The following KLF12 variants were observed in gnomAD, a reference collection of about 807,000 sequenced individuals.
The protein encoded by KLF12 is KLF transcription factor 12.
Under a neutral mutation model 37.8 loss-of-function variants are expected in KLF12, and 9 were observed. The observed-to-expected ratio is 0.24, with a 90% confidence interval of 0.14 to 0.42. The LOEUF (loss-of-function observed/expected upper bound fraction) is 0.42, where lower values mean the gene tolerates loss of function less well. KLF12 is among the 10% of genes least tolerant of loss of function. The pLI is 1.00. For missense variants in KLF12, 411 were observed against 516.0 expected, an observed-to-expected ratio of 0.80 and a Z score of 1.97; for synonymous variants, 208 against 202.1, an observed-to-expected ratio of 1.03 and a Z score of -0.25.
Position 73,902,537 on chromosome 13 carries a change from C to T in KLF12, c.123+41444G>A, listed in dbSNP as rs150590545. Among the ~76,000 whole-genome samples the T allele has an allele frequency of 2.2e-3, 340 of 152,266 alleles. 1 individual carries two copies. Among genetic ancestry groups the T allele is most frequent in the African/African-American group, 7.3e-3 (302 of 41,546 alleles). The stretch of plus-strand genomic sequence containing the variant: ...GGGCTGCCAGGAAGTGAAAATGATT[C>T]TAATTCAATAGCTCTTTCCAGAACT... On this transcript the variant is annotated intron_variant, in intron 3 of 7. Coordinates refer to ENST00000377669, the MANE Select transcript of KLF12 (RefSeq NM_007249.5).
intron 7 of KLF12, among the ~76,000 whole-genome samples, chr13:73,709,860 T>C (rs954772465): frequency 6.6e-6 from 1 of 152,150 alleles, no homozygotes; most frequent in African/African-American, 2.4e-5. Context: ...TCTCGGATCA[T>C]GTCTTAGGGT....
chr13:73,939,046 A>G (rs191606058), intron 3 of KLF12, among the ~76,000 whole-genome samples: 1 of 152,282 alleles, frequency 6.6e-6, no homozygotes, highest in Non-Finnish European at 1.5e-5. Context: ...TTTCTGCCGC[A>G]CTATTGCCGC....
At chr13:74,194,205 G>C in the KLF12 span, among the ~76,000 whole-genome samples, 41 of 152,104 alleles carry the variant, frequency 2.7e-4, no homozygotes, top group Admixed American at 2.7e-3. Flanking sequence ...CTGGGGTGGT[G>C]GTGGTGAAAA....
chr13:73,906,307 G>A (rs1888291847), intron 3 of KLF12, among the ~76,000 whole-genome samples: 1 of 151,974 alleles, frequency 6.6e-6, no homozygotes, highest in African/African-American at 2.4e-5. Flanking sequence ...TTCAAATATT[G>A]ACTCTCCTTT....
At chr13:73,916,020 T>A (rs1010245861) in intron 3 of KLF12, among the ~76,000 whole-genome samples, 8 of 152,144 alleles carry the variant, frequency 5.3e-5, no homozygotes, top group Admixed American at 6.6e-5. Flanking sequence ...AGTTTAAAAT[T>A]TGTAGTGTTC....
intron 3 of KLF12, among the ~76,000 whole-genome samples, chr13:73,925,891 G>A (rs1889352349): frequency 6.6e-6 from 1 of 152,126 alleles, no homozygotes; most frequent in Non-Finnish European, 1.5e-5. Flanking sequence ...CAGATGTGGT[G>A]GAAATAGCAA....
chr13:73,947,373 G>A (rs9600192), intron 2 of KLF12, among the ~76,000 whole-genome samples: 7,778 of 152,194 alleles, frequency 0.051, 241 homozygotes, highest in African/African-American at 0.09. Context: ...GGCAATGGCC[G>A]GGCGTGGTGG....
chr13:74,213,226 G>A, the KLF12 span, among the ~76,000 whole-genome samples: 1 of 151,438 alleles, frequency 6.6e-6, no homozygotes, highest in Non-Finnish European at 1.5e-5. Context: ...ACAATATACT[G>A]TGGTCATTGT....
intron 3 of KLF12, among the ~76,000 whole-genome samples, chr13:73,895,946 T>G (rs1011251188): frequency 2.6e-5 from 4 of 151,854 alleles, no homozygotes; most frequent in Admixed American, 6.6e-5. Flanking sequence ...TCAGCCTCCC[T>G]TGTAGCTGGG....
intron 6 of KLF12, among the ~76,000 whole-genome samples, chr13:73,724,049 C>T (rs1416379681): frequency 1.3e-5 from 2 of 152,116 alleles, no homozygotes; most frequent in Non-Finnish European, 2.9e-5. Context: ...GGTATATACC[C>T]AAAGGATTAT....
chr13:74,278,307 G>A, the KLF12 span, among the ~76,000 whole-genome samples: 1 of 152,160 alleles, frequency 6.6e-6, no homozygotes, highest in Non-Finnish European at 1.5e-5. Context: ...TCTGGATCAG[G>A]ATGTAAGATG....
chr13:73,876,616 A>G (rs1277543824), intron 3 of KLF12, among the ~76,000 whole-genome samples: 2 of 152,146 alleles, frequency 1.3e-5, no homozygotes, highest in Non-Finnish European at 2.9e-5. Context: ...ATAATTAGTG[A>G]TACTTGGCTT....
At chr13:73,795,596 T>A (rs1042191949) in intron 5 of KLF12, among the ~76,000 whole-genome samples, 4 of 152,242 alleles carry the variant, frequency 2.6e-5, no homozygotes, top group African/African-American at 9.7e-5. Flanking sequence ...TTTGATTTTA[T>A]GATCCTAGTT....
intron 1 of KLF12, among the ~76,000 whole-genome samples, chr13:74,022,559 T>C (rs1167518393): frequency 7.1e-6 from 1 of 140,798 alleles, no homozygotes; most frequent in East Asian, 2.0e-4. Context: ...CTCACATCTA[T>C]ACTTTTGCAA....
the KLF12 span, among the ~76,000 whole-genome samples, chr13:74,264,449 G>A: frequency 3.9e-5 from 6 of 152,166 alleles, no homozygotes; most frequent in Non-Finnish European, 7.4e-5. Context: ...AGCTTCTTTG[G>A]TGAGAGTTAA....
chr13:74,122,909 G>A (rs1877716619), intron 1 of KLF12, among the ~76,000 whole-genome samples: 1 of 145,360 alleles, frequency 6.9e-6, no homozygotes, highest in Admixed American at 7.1e-5. Context: ...CTAATGGAAT[G>A]CTAGTTTTGG....
intron 1 of KLF12, among the ~76,000 whole-genome samples, chr13:74,089,244 G>A (rs899900343): frequency 3.3e-5 from 5 of 152,092 alleles, no homozygotes; most frequent in African/African-American, 1.2e-4. Flanking sequence ...AAAAGGTGGA[G>A]AATCAAAGAC....
At chr13:74,130,646 A>C (rs906614946) in intron 1 of KLF12, among the ~76,000 whole-genome samples, 2 of 11,810 alleles carry the variant, frequency 1.7e-4, no homozygotes, top group African/African-American at 2.3e-4. Context: ...ACCTCAACTC[A>C]AAAAAAAAAA....
chr13:74,181,860 A>G, the KLF12 span, among the ~76,000 whole-genome samples: 1 of 152,090 alleles, frequency 6.6e-6, no homozygotes, highest in Non-Finnish European at 1.5e-5. Context: ...TTGGTATTAG[A>G]TGATATTAAG....
Sources: allele counts gnomAD v4.1 joint callset (sites outside exome capture counted in the v4.1 genomes callset), GRCh38; gene constraint gnomAD v4.1.1; transcripts MANE v1.5; gene names NCBI Gene and HGNC (gene_info 2026-07-23, HGNC 2026-07-21).